Variants in MYT1L observed in about 807,000 individuals in gnomAD.
The protein encoded by MYT1L is myelin transcription factor 1-like protein.
In MYT1L, 12 loss-of-function variants were observed where a neutral mutation model predicts 126.7. That is an observed-to-expected ratio of 0.09 (90% CI 0.06 to 0.15). The LOEUF (loss-of-function observed/expected upper bound fraction) is 0.15. MYT1L is among the 10% of genes least tolerant of loss of function. The pLI, the probability that MYT1L is intolerant of heterozygous loss-of-function variation, is 1.00. For missense variants in MYT1L, 979 were observed against 1,585.2 expected (o/e 0.62, Z 6.49); for synonymous variants, 541 against 604.2 (o/e 0.90, Z 1.53).
At chr2:1,815,588 CGA>C (rs1349687809) in intron 21 of MYT1L, among the ~76,000 whole-genome samples, 1 of 152,186 alleles carries the variant, frequency 6.6e-6, no homozygotes, top group African/African-American at 2.4e-5. Flanking sequence ...CAAGAGGGGC[CGA>C]GAGGCCGAGC....
chr2:2,143,755 C>G (rs2084403902), intron 3 of MYT1L, among the ~76,000 whole-genome samples: 1 of 152,038 alleles, frequency 6.6e-6, no homozygotes, highest in Admixed American at 6.6e-5. Flanking sequence ...ATTTAAAATG[C>G]ATGTTGACAT....
intron 1 of MYT1L, chr2:2,324,818 C>T (rs546463367): frequency 6.7e-4 from 103 of 152,776 alleles, no homozygotes; most frequent in Non-Finnish European, 1.2e-3. Flanking sequence ...TCCACTTCCC[C>T]AAATCCTAAG....
intron 5 of MYT1L, among the ~76,000 whole-genome samples, chr2:1,991,420 T>C (rs565778290): frequency 6.6e-6 from 1 of 152,180 alleles, no homozygotes; most frequent in South Asian, 2.1e-4. Context: ...CCTCAGCCCC[T>C]GAGACTCTGG....
At chr2:1,846,455 G>A (rs991101195) in intron 19 of MYT1L, among the ~76,000 whole-genome samples, 5 of 152,150 alleles carry the variant, frequency 3.3e-5, no homozygotes, top group Non-Finnish European at 5.9e-5. Flanking sequence ...CTTTGTAAAC[G>A]ATGGAAACGC....
At chr2:2,005,368 C>A in intron 4 of MYT1L, among the ~76,000 whole-genome samples, 1 of 148,786 alleles carries the variant, frequency 6.7e-6, no homozygotes, top group African/African-American at 2.5e-5. Context: ...TTCTTTCCTG[C>A]ATGCCTTCTT....
intron 2 of MYT1L, among the ~76,000 whole-genome samples, chr2:2,231,607 C>T (rs1408001966): frequency 6.6e-6 from 1 of 151,882 alleles, no homozygotes; most frequent in African/African-American, 2.4e-5. Context: ...AACACCATGC[C>T]CAGATAATTT....
intron 4 of MYT1L, among the ~76,000 whole-genome samples, chr2:2,040,775 G>A (rs1356962849): frequency 4.6e-5 from 7 of 152,242 alleles, no homozygotes; most frequent in African/African-American, 1.7e-4. Flanking sequence ...TTAAAAGTTT[G>A]AAGTAAAAGT....
At chr2:2,086,165 G>A (rs1374572479) in intron 3 of MYT1L, among the ~76,000 whole-genome samples, 1 of 152,074 alleles carries the variant, frequency 6.6e-6, no homozygotes. Flanking sequence ...AGTATGGAGG[G>A]CCAGACCTCA....
intron 2 of MYT1L, among the ~76,000 whole-genome samples, chr2:2,241,271 T>A (rs1352843670): frequency 7.2e-5 from 8 of 110,638 alleles, no homozygotes; most frequent in Non-Finnish European, 1.5e-4. Context: ...GTAAAATACA[T>A]CTTTTGTGTG....
chr2:1,840,554 G>A (rs2041525769), intron 20 of MYT1L, among the ~76,000 whole-genome samples: 1 of 152,060 alleles, frequency 6.6e-6, no homozygotes, highest in African/African-American at 2.4e-5. Flanking sequence ...GCTTATTGCT[G>A]GACAGCCCAT....
intron 3 of MYT1L, among the ~76,000 whole-genome samples, chr2:2,055,859 A>G (rs2069465625): frequency 6.6e-6 from 1 of 152,218 alleles, no homozygotes. Context: ...GCTTGTTAGC[A>G]TGTTCTATAG....
chr2:2,227,844 C>T (rs975728148), intron 2 of MYT1L, among the ~76,000 whole-genome samples: 4 of 152,118 alleles, frequency 2.6e-5, no homozygotes, highest in African/African-American at 9.7e-5. Context: ...AATATTTTGC[C>T]CTGATTTATA....
At chr2:2,288,266 A>G (rs1198991900) in intron 1 of MYT1L, among the ~76,000 whole-genome samples, 1 of 152,254 alleles carries the variant, frequency 6.6e-6, no homozygotes, top group Non-Finnish European at 1.5e-5. Context: ...TAGTTTGTCA[A>G]TAGTAGAGTT....
At chr2:2,298,112 GC>G (rs2095724800) in intron 1 of MYT1L, among the ~76,000 whole-genome samples, 1 of 152,138 alleles carries the variant, frequency 6.6e-6, no homozygotes, top group Admixed American at 6.5e-5. Context: ...ATTAAGCCTG[GC>G]TTTTATGAAG....
intron 1 of MYT1L, chr2:2,326,790 A>G (rs565761518): frequency 1.3e-5 from 2 of 152,338 alleles, no homozygotes; most frequent in South Asian, 4.1e-4. Context: ...ACTCATTATG[A>G]TGTCAAAGCC....
intron 5 of MYT1L, among the ~76,000 whole-genome samples, chr2:1,985,555 A>G (rs549175058): frequency 2.6e-5 from 4 of 152,368 alleles, no homozygotes; most frequent in Admixed American, 6.5e-5. Context: ...CAAGAATCAT[A>G]ACTTATATTT....
intron 2 of MYT1L, among the ~76,000 whole-genome samples, chr2:2,281,988 A>G (rs1482824981): frequency 2.0e-5 from 3 of 152,214 alleles, no homozygotes; most frequent in African/African-American, 7.2e-5. Flanking sequence ...AACGAACACA[A>G]TCCTAGCTTT....
intron 1 of MYT1L, among the ~76,000 whole-genome samples, chr2:2,320,268 T>C (rs1391438969): frequency 6.6e-6 from 1 of 151,840 alleles, no homozygotes; most frequent in African/African-American, 2.4e-5. Context: ...AGGGTCTTGG[T>C]GTTGGCAGTG....
At chr2:2,065,989 AGT>A (rs1271023113) in intron 3 of MYT1L, among the ~76,000 whole-genome samples, 1 of 152,128 alleles carries the variant, frequency 6.6e-6, no homozygotes, top group Non-Finnish European at 1.5e-5. Context: ...TGCAAAAAAA[AGT>A]GTGTCTTCCT....
Sources: gnomAD v4.1 joint callset for allele counts (sites outside exome capture counted in the v4.1 genomes callset) on GRCh38, gnomAD v4.1.1 for gene constraint, MANE v1.5 for transcripts, NCBI Gene and HGNC (gene_info 2026-07-23, HGNC 2026-07-21) for gene names.